Variants in CDC40 observed in about 807,000 individuals in gnomAD.
CDC40 encodes the protein pre-mRNA-processing factor 17.
A neutral mutation model predicts 80.6 loss-of-function variants in CDC40; 27 were observed. The ratio of observed to expected loss-of-function variants is 0.33; its 90% CI spans 0.25 to 0.46. CDC40 has a LOEUF of 0.46. CDC40 is among the 20% of genes least tolerant of loss of function. The pLI is 1.00. For synonymous variants in CDC40, 221 were observed against 232.6 expected (o/e 0.95, Z 0.45); for missense variants, 486 against 694.1 (o/e 0.70, Z 3.37).
chr6:110,198,013 A>G (rs1366986281), intron 2 of CDC40, among the ~76,000 whole-genome samples: 1 of 152,182 alleles, frequency 6.6e-6, no homozygotes, highest in Non-Finnish European at 1.5e-5. Flanking sequence ...CATTCCCACC[A>G]ACAGTATACA....
chr6:110,222,438 T>A (rs1777789932), intron 12 of CDC40, among the ~76,000 whole-genome samples: 1 of 152,008 alleles, frequency 6.6e-6, no homozygotes, highest in Non-Finnish European at 1.5e-5. Context: ...GCGCGTGTAA[T>A]CCCAGCTACT....
intron 1 of CDC40, among the ~76,000 whole-genome samples, chr6:110,187,348 C>T (rs1240381486): frequency 2.6e-5 from 4 of 152,184 alleles, no homozygotes; most frequent in Admixed American, 2.0e-4. Context: ...TATGTTACTT[C>T]CCCCGAATGT....
intron 2 of CDC40, among the ~76,000 whole-genome samples, chr6:110,195,839 T>C (rs765810439): frequency 7.2e-5 from 11 of 152,136 alleles, no homozygotes; most frequent in Non-Finnish European, 1.6e-4. Flanking sequence ...TTGTATAACA[T>C]TGCGCAAGGC....
In CDC40 at chr6:110,231,607, G is replaced by A. The variant is rs1316580267; in HGVS notation, c.*1476G>A. The stretch of plus-strand genomic sequence containing the variant: ...AAATCTATATTAGATGTTTGAATAT[G>A]GTTTGAAATATTTCACTACCGTGCT... On this transcript the variant is annotated 3_prime_UTR_variant, in exon 15 of 15. Transcript: ENST00000307731. The A allele has an allele frequency of 2.0e-5, 3 of 152,172 alleles. No individual in the cohort carries two copies. Among genetic ancestry groups the A allele is most frequent in the Non-Finnish European group, 4.4e-5 (3 of 68,038 alleles). The allele number at this position is 152,172 out of a possible 1,614,324, so 9.4% of individuals were successfully genotyped here.
At chr6:110,209,051 GTT>G in intron 4 of CDC40, 31 bp from the exon 5 acceptor site, 1 of 1,167,860 alleles carries the variant, frequency 8.6e-7, no homozygotes, top group Non-Finnish European at 1.2e-6. Context: ...TAATCTCTCA[GTT>G]TTTTTTTTAA....
At position 110,226,257 on chromosome 6, in the gene CDC40, T is replaced by C. The variant is rs1777858533; in HGVS notation, c.1417+14T>C. 1 of 1,503,566 alleles carries C rather than the reference T, an allele frequency of 6.7e-7. No homozygotes were observed. Among genetic ancestry groups the C allele is most frequent in the African/African-American group, 1.4e-5 (1 of 72,566 alleles). 93.1% of individuals were successfully genotyped at this position (1,503,566 alleles called of 1,614,324 possible). ...TGTCTCCAAATGGTGAGTTAGTATG[T>C]AGATTGTATTTTTAAATGAGCTTCT... On this transcript the variant is annotated intron_variant, in intron 13 of 14. Coordinates refer to ENST00000307731, the MANE Select transcript of CDC40 (RefSeq NM_015891.3).
chr6:110,184,156 T>C (rs1460394514), intron 1 of CDC40, among the ~76,000 whole-genome samples: 4 of 152,236 alleles, frequency 2.6e-5, no homozygotes, highest in African/African-American at 9.6e-5. Context: ...AATTAACTTT[T>C]GTCTATAGTG....
chr6:110,204,371 A>T (rs1777534888), intron 3 of CDC40, among the ~76,000 whole-genome samples: 1 of 152,328 alleles, frequency 6.6e-6, no homozygotes, highest in South Asian at 2.1e-4. Context: ...TATAATTTTT[A>T]AAAGAATTAC....
intron 9 of CDC40, among the ~76,000 whole-genome samples, chr6:110,215,868 G>GC (rs1777693786): frequency 6.6e-6 from 1 of 152,196 alleles, no homozygotes; most frequent in Non-Finnish European, 1.5e-5. Context: ...CAAAGCAGCA[G>GC]AGAGAGAAAA....
chr6:110,208,333 G>A (rs568801222), intron 4 of CDC40, among the ~76,000 whole-genome samples: 100 of 152,204 alleles, frequency 6.6e-4, no homozygotes, highest in Admixed American at 2.4e-3. Context: ...CTAGACCTCT[G>A]CAAGTCCCAT....
At chr6:110,203,330 A>G (rs183924073) in intron 3 of CDC40, among the ~76,000 whole-genome samples, 7 of 152,306 alleles carry the variant, frequency 4.6e-5, no homozygotes, top group South Asian at 4.1e-4. Flanking sequence ...AGTAATTCCT[A>G]TACCAGATTC....
intron 2 of CDC40, among the ~76,000 whole-genome samples, chr6:110,195,298 C>T (rs1245708120): frequency 6.6e-6 from 1 of 151,828 alleles, no homozygotes; most frequent in Non-Finnish European, 1.5e-5. Flanking sequence ...AGAGTATGTG[C>T]TGTTTGTTGG....
chr6:110,217,775 G>A lies in CDC40; in HGVS notation c.1062G>A (p.Arg354=), dbSNP rs1217772594. 1.3e-6 allele frequency: 2 copies of A among 1,593,910 alleles called. No individual in the cohort carries two copies. The highest frequency in any genetic ancestry group is 1.7e-6 in the Non-Finnish European group (2 of 1,161,742). ...AGTTCCTCAGTGCAGCCTATGACAG[G>A]TATCTTAAGCTCTGGGACACTGAGA... The part of the protein sequence containing the change: ...GTQFLSAAYD[R]YLKLWDTETG... Residue 354 remains arginine (R), a synonymous_variant, in exon 10 of 15, where the codon AGG becomes AGA. Transcript: ENST00000307731.
At chr6:110,211,321 T>C (rs1777634502) in intron 6 of CDC40, 1 of 152,222 alleles carries the variant, frequency 6.6e-6, no homozygotes, top group African/African-American at 2.4e-5. Flanking sequence ...GTAAGTATTC[T>C]AGAATGTACC....
At chr6:110,186,903 C>T (rs1777279704) in intron 1 of CDC40, among the ~76,000 whole-genome samples, 2 of 152,170 alleles carry the variant, frequency 1.3e-5, no homozygotes, top group Admixed American at 6.5e-5. Flanking sequence ...ATTTTAGTCC[C>T]ATTCTCCTCT....
Position 110,209,167 on chromosome 6 carries a change from T to G in CDC40, c.574T>G (p.Phe192Val). The change falls in exon 5 of 15, where the codon TTT (phenylalanine) becomes GTT (valine). Residue 192 changes from phenylalanine (F) to valine (V), a missense_variant. This residue lies in a region of CDC40 where 381 missense variants were observed against 492.1 expected (regional missense o/e 0.77). Transcript: ENST00000307731. ...AAATGATGCATCCAATATTGATGGT[T>G]TTTTGGGACCATGGGCAAAATATGT... ...KENDASNIDGFLGPWAKYVDE... is the reference protein window; with the variant it reads ...KENDASNIDGVLGPWAKYVDE... 1 of 1,611,834 alleles carries G rather than the reference T, an allele frequency of 6.2e-7. No homozygotes were observed. Among genetic ancestry groups the G allele is most frequent in the Non-Finnish European group, 8.5e-7 (1 of 1,178,158 alleles).
intron 12 of CDC40, among the ~76,000 whole-genome samples, chr6:110,224,765 ATTC>A (rs1467661353): frequency 2.0e-5 from 3 of 152,228 alleles, no homozygotes; most frequent in African/African-American, 7.2e-5. Context: ...GGTAGTTCAA[ATTC>A]TTCTTCCACA....
chr6:110,200,522 A>G (rs1777481783), intron 2 of CDC40, among the ~76,000 whole-genome samples: 1 of 152,206 alleles, frequency 6.6e-6, no homozygotes, highest in Admixed American at 6.5e-5. Context: ...TTAAAAACAA[A>G]CAAAAAAAGA....
intron 1 of CDC40, among the ~76,000 whole-genome samples, chr6:110,185,953 T>A (rs781309071): frequency 4.6e-5 from 7 of 152,230 alleles, no homozygotes; most frequent in Non-Finnish European, 8.8e-5. Flanking sequence ...TTCTATTCTT[T>A]AAGTGGTTAC....
Sources: allele counts gnomAD v4.1 joint callset (sites outside exome capture counted in the v4.1 genomes callset), GRCh38; gene constraint gnomAD v4.1.1; regional missense constraint gnomAD v4.1.1; transcripts MANE v1.5; gene names NCBI Gene and HGNC (gene_info 2026-07-23, HGNC 2026-07-21).